FAM110B: variants seen among roughly 807,000 people sequenced by gnomAD.
FAM110B encodes the protein family with sequence similarity 110 member B, also known as protein FAM110B.
In FAM110B, 6 loss-of-function variants were observed where a neutral mutation model predicts 20.4. The observed-to-expected ratio is 0.29, with a 90% CI of 0.16 to 0.58. FAM110B has a LOEUF of 0.58. Among genes scored for constraint, FAM110B ranks in the 20% least tolerant of loss-of-function variants. The probability of loss-of-function intolerance (pLI) is 0.90; values close to 1 mark genes in which losing one functional copy is unlikely to be tolerated. For missense variants in FAM110B, 434 were observed against 498.2 expected (o/e 0.87, Z 1.23); for synonymous variants, 226 against 214.1 (o/e 1.06, Z -0.49).
At chr8:58,078,752 A>G (rs61355663) in intron 3 of FAM110B, among the ~76,000 whole-genome samples, 8,408 of 151,302 alleles carry the variant, frequency 0.056, 773 homozygotes, top group African/African-American at 0.19. Flanking sequence ...GGGTTTCACC[A>G]TGTTAGCCAG....
In FAM110B at chr8:58,147,125, G is replaced by A; in HGVS notation, c.895G>A (p.Ala299Thr). ...ENLGMENFAR[A>T]NSDIISLNFR... ...CCTGGGAATGGAAAACTTTGCAAGG[G>A]CTAATTCTGACATAATATCCCTCAA... is the stretch of plus-strand genomic sequence containing the variant. The change falls in exon 4 of 4, where the codon GCT (alanine) becomes ACT (threonine). Residue 299 changes from alanine to threonine, a missense_variant. Coordinates refer to ENST00000519262, the MANE Select transcript of FAM110B (RefSeq NM_001377989.1). The A allele has an allele frequency of 6.2e-7, 1 of 1,614,184 alleles. No homozygotes were observed. Among genetic ancestry groups the A allele is most frequent in the Non-Finnish European group, 8.5e-7 (1 of 1,180,044 alleles).
intron 2 of FAM110B, among the ~76,000 whole-genome samples, chr8:58,049,064 T>C (rs1033930578): frequency 8.5e-5 from 13 of 152,244 alleles, no homozygotes; most frequent in Non-Finnish European, 1.8e-4. Context: ...GTGATTATTT[T>C]CTTTTTTAAT....
At position 58,108,581 on chromosome 8, in the gene FAM110B, G is replaced by A. The variant is rs373333875; in HGVS notation, c.-325+32958G>A. On this transcript the variant is annotated intron_variant, in intron 3 of 3. Transcript: ENST00000519262. ...ACTTCAAGTTGTAGACCAGCCTCCT[G>A]GCCTGGTCTCCTCAGCTCTGGAGGC... Among the ~76,000 whole-genome samples the A allele has an allele frequency of 4.6e-5, 7 of 152,322 alleles. No individual in the cohort carries two copies. The East Asian group carries it at 9.7e-4, about 21-fold the overall frequency.
intron 3 of FAM110B, among the ~76,000 whole-genome samples, chr8:58,108,398 T>A (rs1806972323): frequency 6.6e-6 from 1 of 152,240 alleles, no homozygotes; most frequent in African/African-American, 2.4e-5. Context: ...AGAACGGTTG[T>A]AGGAGCACAA....
intron 1 of FAM110B, among the ~76,000 whole-genome samples, chr8:58,005,745 T>C (rs555299068): frequency 2.1e-4 from 32 of 152,334 alleles, no homozygotes; most frequent in African/African-American, 6.3e-4. Flanking sequence ...TTTTATGAAT[T>C]ATCCCCAACA....
intron 3 of FAM110B, among the ~76,000 whole-genome samples, chr8:58,120,624 A>C (rs1358706065): frequency 1.3e-5 from 2 of 152,128 alleles, no homozygotes; most frequent in African/African-American, 4.8e-5. Context: ...AGAAGTGGCT[A>C]CCCCTCCACT....
chr8:58,014,452 G>A (rs1456183268), intron 1 of FAM110B, among the ~76,000 whole-genome samples: 4 of 152,178 alleles, frequency 2.6e-5, no homozygotes, highest in Admixed American at 2.6e-4. Context: ...CTGTCTGGGT[G>A]AAGTCCTCAT....
intron 1 of FAM110B, among the ~76,000 whole-genome samples, chr8:58,031,016 G>C (rs78499877): frequency 1.3e-5 from 2 of 152,280 alleles, no homozygotes; most frequent in Non-Finnish European, 2.9e-5. Context: ...GTTTGTACTT[G>C]AAATTTGGGA....
intron 3 of FAM110B, among the ~76,000 whole-genome samples, chr8:58,130,542 A>C (rs770619121): frequency 6.6e-6 from 1 of 151,982 alleles, no homozygotes; most frequent in Admixed American, 6.6e-5. Context: ...CTCCATCTCT[A>C]CCCTGAATTG....
Position 58,116,244 on chromosome 8 carries a change from CT to C in FAM110B, c.-324-29662del, listed in dbSNP as rs201298704. Among the ~76,000 whole-genome samples the C allele has an allele frequency of 6.7e-3, 1,014 of 152,310 alleles. 7 individuals are homozygous for C. Among genetic ancestry groups the C allele is most frequent in the African/African-American group, 0.024 (977 of 41,562 alleles). ...AACTGTTTCCTGCTTCTGTTCTTCC[CT>C]CTTGCAGTCTTTTCCCAACAGAGCA... On this transcript the variant is annotated intron_variant, in intron 3 of 3. Coordinates refer to ENST00000519262, the MANE Select transcript of FAM110B (RefSeq NM_001377989.1).
At chr8:58,100,225 G>A (rs966569048) in intron 3 of FAM110B, among the ~76,000 whole-genome samples, 1 of 150,638 alleles carries the variant, frequency 6.6e-6, no homozygotes, top group Admixed American at 6.6e-5. Context: ...CTTCCCTGGA[G>A]TTAATCTGGT....
At chr8:58,052,382 G>A (rs1449119228) in intron 2 of FAM110B, among the ~76,000 whole-genome samples, 1 of 152,096 alleles carries the variant, frequency 6.6e-6, no homozygotes, top group Non-Finnish European at 1.5e-5. Context: ...AGATCCTGAT[G>A]TTTTAAAAGT....
chr8:58,017,507 T>G (rs1006763299), intron 1 of FAM110B, among the ~76,000 whole-genome samples: 5 of 152,154 alleles, frequency 3.3e-5, no homozygotes, highest in Non-Finnish European at 7.4e-5. Context: ...GTGGAGAGCT[T>G]AGCTTTGCTC....
At chr8:58,051,374 A>T (rs1014358266) in intron 2 of FAM110B, among the ~76,000 whole-genome samples, 8 of 152,226 alleles carry the variant, frequency 5.3e-5, no homozygotes, top group Non-Finnish European at 1.2e-4. Context: ...AACAAAAGCC[A>T]GCCAGGAATT....
intron 3 of FAM110B, among the ~76,000 whole-genome samples, chr8:58,079,367 A>G (rs1806129102): frequency 6.6e-6 from 1 of 152,222 alleles, no homozygotes; most frequent in Non-Finnish European, 1.5e-5. Context: ...ACACTTCTCT[A>G]AGGGTAGATC....
chr8:58,047,390 G>A (rs918469601), intron 2 of FAM110B, among the ~76,000 whole-genome samples: 5 of 152,108 alleles, frequency 3.3e-5, no homozygotes, highest in Admixed American at 2.0e-4. Context: ...TCTTGGGGAT[G>A]CATTCATAAA....
At chr8:58,002,951 C>T (rs1585802028) in intron 1 of FAM110B, among the ~76,000 whole-genome samples, 1 of 152,188 alleles carries the variant, frequency 6.6e-6, no homozygotes, top group East Asian at 1.9e-4. Flanking sequence ...TCAACTGACT[C>T]TTCCTTTCAC....
Position 57,997,469 on chromosome 8 carries a change from C to G in FAM110B, c.-512+2663C>G, listed in dbSNP as rs866027767. On this transcript the variant is annotated intron_variant, in intron 1 of 3. Transcript: ENST00000519262. The stretch of plus-strand genomic sequence containing the variant: ...TTTCCCATTGTAGAGTCAGATTGAT[C>G]AGCTGAGCCTAGAGATCTCCAACTA... 2.8e-4 allele frequency among the ~76,000 whole-genome samples: 43 copies of G among 152,156 alleles called. 1 individual carries two copies. Among genetic ancestry groups the G allele is most frequent in the Admixed American group, 2.0e-4 (3 of 15,272 alleles).
chr8:58,037,372 G>A lies in FAM110B; in HGVS notation c.-414+5669G>A, dbSNP rs79260496. Among the ~76,000 whole-genome samples the A allele has an allele frequency of 4.0e-4, 61 of 151,562 alleles. 2 individuals carry two copies. The East Asian group carries it at 9.7e-3, about 24-fold the overall frequency. On this transcript the variant is annotated intron_variant, in intron 2 of 3. Coordinates refer to ENST00000519262, the MANE Select transcript of FAM110B (RefSeq NM_001377989.1). ...CTCCAATTTGGAGCTTAGAATGGTGGCTTATGAAATCCCAACACTTTAGGA... is the reference window on the plus strand; with the variant it reads ...CTCCAATTTGGAGCTTAGAATGGTGACTTATGAAATCCCAACACTTTAGGA...
Sources: gnomAD v4.1 joint callset for allele counts (sites outside exome capture counted in the v4.1 genomes callset) on GRCh38, gnomAD v4.1.1 for gene constraint, MANE v1.5 for transcripts, NCBI Gene and HGNC (gene_info 2026-07-23, HGNC 2026-07-21) for gene names.